Variants in MAN2C1 observed in about 807,000 individuals in gnomAD.
MAN2C1 encodes the protein alpha-mannosidase 2C1.
MAN2C1 carries 111 observed loss-of-function variants against 126.9 expected under a neutral mutation model. The observed-to-expected ratio is 0.87, with a 90% CI of 0.75 to 1.02. The LOEUF (loss-of-function observed/expected upper bound fraction) is 1.02, where lower values mean the gene tolerates loss of function less well. Among genes scored for constraint, MAN2C1 ranks in the 50% least tolerant of loss-of-function variants. The pLI is 0.00. For missense variants in MAN2C1, 1,363 were observed against 1,364.4 expected, an observed-to-expected ratio of 1.00 and a Z score of 0.02; for synonymous variants, 567 against 561.5, an observed-to-expected ratio of 1.01 and a Z score of -0.14.
rs774368101 is a variant in MAN2C1 at position 75,359,790 on chromosome 15, G to T, written c.1793-15C>A. The T allele has an allele frequency of 1.2e-6, 2 of 1,613,646 alleles. No individual in the cohort carries two copies. The highest frequency in any genetic ancestry group is 1.7e-6 in the Non-Finnish European group (2 of 1,179,922). ...GGAACGGATGTCTGAGGAAAGACTG[G>T]CTGGTCATAGGTGGGCAACAGGTCT... On this transcript the variant is annotated splice_polypyrimidine_tract_variant and intron_variant, in intron 15 of 25. Transcript: ENST00000267978.
At position 75,359,071 on chromosome 15, in the gene MAN2C1, A is replaced by T. The variant is rs1472249740; in HGVS notation, c.2129T>A (p.Val710Glu). 6.2e-7 allele frequency: 1 copy of T among 1,613,972 alleles called. No individual in the cohort carries two copies. The highest frequency in any genetic ancestry group is 8.5e-7 in the Non-Finnish European group (1 of 1,180,006). ...PTGRLTSLVL[V>E]ASGREAIAEG... ...GAGGATTTGGCACCTGCCAGAGGCC[A>T]CCAGGACCAAGGACGTCAGGCGACC... The change falls in exon 18 of 26, where the codon GTG becomes GAG. Residue 710 changes from valine (V) to glutamate (E), a missense_variant. This residue lies in a region of MAN2C1 where 668 missense variants were observed against 650.1 expected (regional missense o/e 1.03). Transcript: ENST00000267978.
rs754812226 is a variant in MAN2C1 at position 75,368,038 on chromosome 15, C to T, written c.227+35G>A. On this transcript the variant is annotated intron_variant, in intron 2 of 25. Transcript: ENST00000267978. ...GAGCTGGGTTGGGACTTCCCCTAGGCCTGTGGCCCCGCCCACCCGCTGGGC... is the reference window on the plus strand; with the variant it reads ...GAGCTGGGTTGGGACTTCCCCTAGGTCTGTGGCCCCGCCCACCCGCTGGGC... The T allele has an allele frequency of 1.5e-5, 24 of 1,583,448 alleles. No homozygotes were observed. The South Asian group carries it at 2.6e-4, about 17-fold the overall frequency.
intron 1 of MAN2C1, 33 bp downstream of exon 1, chr15:75,368,450 G>T (rs1349683214): frequency 1.3e-6 from 2 of 1,534,978 alleles, no homozygotes; most frequent in South Asian, 1.2e-5. Flanking sequence ...GCACGGTTGC[G>T]GTCGGCCGGC....
In MAN2C1 at chr15:75,359,120, T is replaced by C. The variant is rs778460717; in HGVS notation, c.2080A>G (p.Ile694Val). ...CCAGTTGGGTCCAGCTTCACTCGGA[T>C]GATGCCATTGTCCAGAGTCACGGAG... is the stretch of plus-strand genomic sequence containing the variant. ...DGSVTLDNGI[I>V]RVKLDPTGRL... is the part of the protein sequence containing the mutation. The change falls in exon 18 of 26, where the codon ATC becomes GTC. Residue 694 changes from isoleucine to valine, a missense_variant. Ile to Val is a conservative substitution (Grantham distance 29). Transcript: ENST00000267978. The C allele has an allele frequency of 1.2e-6, 2 of 1,613,924 alleles. No homozygotes were observed. Among genetic ancestry groups the C allele is most frequent in the African/African-American group, 1.3e-5 (1 of 74,952 alleles).
Position 75,355,804 on chromosome 15 carries a change from G to T in MAN2C1, c.*102C>A. On this transcript the variant is annotated 3_prime_UTR_variant, in exon 26 of 26. Coordinates refer to ENST00000267978, the MANE Select transcript of MAN2C1 (RefSeq NM_006715.4). ...CTGAGCAGCAGGGTTCCCGATCCAAGGATTTATTCCACAAGAAAAGACTGA... is the reference window on the plus strand; with the variant it reads ...CTGAGCAGCAGGGTTCCCGATCCAATGATTTATTCCACAAGAAAAGACTGA... 7.3e-7 allele frequency: 1 copy of T among 1,367,472 alleles called. No individual in the cohort carries two copies. Among genetic ancestry groups the T allele is most frequent in the Non-Finnish European group, 9.9e-7 (1 of 1,006,854 alleles). The allele number at this position is 1,367,472 out of a possible 1,614,324, so 84.7% of individuals were successfully genotyped here. A position where few individuals can be genotyped will look rare whatever the true frequency, so the allele number is the denominator to read the frequency against.
At position 75,361,039 on chromosome 15, in the gene MAN2C1, G is replaced by A. The variant is rs547720767; in HGVS notation, c.1460+7C>T. The A allele has an allele frequency of 6.2e-7, 1 of 1,606,304 alleles. No homozygotes were observed. The highest frequency in any genetic ancestry group is 1.1e-5 in the South Asian group (1 of 89,598). Reference sequence around the variant, plus strand: ...GGGGCTAAAGGAGAGCCAAGGCCTGGCCTGACCTGGGCAGCCCATCCGTAT... The same window carrying A: ...GGGGCTAAAGGAGAGCCAAGGCCTGACCTGACCTGGGCAGCCCATCCGTAT... On this transcript the variant is annotated splice_region_variant and intron_variant, in intron 12 of 25. Coordinates refer to ENST00000267978, the MANE Select transcript of MAN2C1 (RefSeq NM_006715.4). This position sits in a 1 kb window ranked among gnomAD's most constrained non-coding sequence, Gnocchi z 5.0.
rs2072445284 is a variant in MAN2C1, at chr15:75,360,546, C to T, written c.1584+19G>A. The T allele has an allele frequency of 6.2e-7, 1 of 1,612,674 alleles. No homozygotes were observed. Among genetic ancestry groups the T allele is most frequent in the African/African-American group, 1.3e-5 (1 of 75,040 alleles). On this transcript the variant is annotated intron_variant, in intron 13 of 25. Transcript: ENST00000267978. ...CAAGGGCACACCCTCCCTGCACAGC[C>T]CTGCAACCTCCCCCTGACCTGGGCA... is the stretch of plus-strand genomic sequence containing the variant.
rs1387370276 is a variant in MAN2C1, at chr15:75,358,760, A to G, written c.2190T>C (p.Asp730=). The G allele has an allele frequency of 6.2e-7, 1 of 1,614,090 alleles. No homozygotes were observed. The highest frequency in any genetic ancestry group is 8.5e-7 in the Non-Finnish European group (1 of 1,180,000). The part of the protein sequence containing the change: ...GAVGNQFVLF[D]DVPLYWDAWD... Reference sequence around the variant, plus strand: ...ATGCATCCCAGTACAAGGGGACATCATCAAATAGCACAAACTGGTTCCCCA... The same window carrying G: ...ATGCATCCCAGTACAAGGGGACATCGTCAAATAGCACAAACTGGTTCCCCA... The change falls in exon 19 of 26, where the codon GAT becomes GAC. Residue 730 remains aspartate (D), a synonymous_variant. Coordinates refer to ENST00000267978, the MANE Select transcript of MAN2C1 (RefSeq NM_006715.4).
chr15:75,361,343 A>T lies in MAN2C1; in HGVS notation c.1257T>A (p.Arg419=). 2.6e-6 allele frequency: 4 copies of T among 1,567,214 alleles called. No homozygotes were observed. The highest frequency in any genetic ancestry group is 3.5e-6 in the Non-Finnish European group (4 of 1,155,478). The change falls in exon 11 of 26, where the codon CGT becomes CGA. Residue 419 remains arginine, a synonymous_variant. Coordinates refer to ENST00000267978, the MANE Select transcript of MAN2C1 (RefSeq NM_006715.4). The surrounding 1 kb of genome is among the most constrained non-coding windows in gnomAD (Gnocchi z 5.0). ...CGCCAGGTGGGAAGTGGACCAGTAC[A>T]CGGGAGCCATCCAGGCCCTCCCAGA... The part of the protein sequence containing the change: ...TFFWEGLDGS[R]VLVHFPPGDS...
At position 75,362,064 on chromosome 15, in the gene MAN2C1, C is replaced by T; in HGVS notation, c.1009-117G>A. ...CAGGGCTGCTCAAACATGGGAGTTA[C>T]AGCCAGAACTCAGGAAGGGCCCCTG... On this transcript the variant is annotated intron_variant, in intron 8 of 25. Coordinates refer to ENST00000267978, the MANE Select transcript of MAN2C1 (RefSeq NM_006715.4). This position sits in a 1 kb window ranked among gnomAD's most constrained non-coding sequence, Gnocchi z 4.5. 1.2e-6 allele frequency: 1 copy of T among 814,046 alleles called. No individual in the cohort carries two copies. 50.4% of individuals were successfully genotyped at this position (814,046 alleles called of 1,614,324 possible). A position where few individuals can be genotyped will look rare whatever the true frequency, so the allele number is the denominator to read the frequency against.
rs909487065 is a variant in MAN2C1 at position 75,356,553 on chromosome 15, G to A, written c.2737+53C>T. 5.2e-6 allele frequency: 8 copies of A among 1,549,736 alleles called. No homozygotes were observed. The African/African-American group carries it at 9.5e-5, about 18-fold the overall frequency. On this transcript the variant is annotated intron_variant, in intron 23 of 25. Coordinates refer to ENST00000267978, the MANE Select transcript of MAN2C1 (RefSeq NM_006715.4). This position sits in a 1 kb window ranked among gnomAD's most constrained non-coding sequence, Gnocchi z 5.8. ...GTTGCTGGGGTTTGGGCTCAGGGAA[G>A]GGCAGAGAGGTGTCTAGGGCTGCAG...
chr15:75,366,720 C>T, intron 3 of MAN2C1, 128 bp from the exon 4 acceptor site: 1 of 610,124 alleles, frequency 1.6e-6, no homozygotes, highest in Admixed American at 3.4e-5. Flanking sequence ...CAAGCAGGGC[C>T]AAGATTGGCA....
At position 75,359,608 on chromosome 15, in the gene MAN2C1, C is replaced by T; in HGVS notation, c.1948+12G>A. On this transcript the variant is annotated intron_variant, in intron 16 of 25. Coordinates refer to ENST00000267978, the MANE Select transcript of MAN2C1 (RefSeq NM_006715.4). The stretch of plus-strand genomic sequence containing the variant: ...TCCTGCTGCAGTAGCAACCCTTCCC[C>T]TCAGCTCGTACCTAGGCTGTGGGCC... The T allele has an allele frequency of 6.2e-7, 1 of 1,613,208 alleles. No homozygotes were observed. Among genetic ancestry groups the T allele is most frequent in the Non-Finnish European group, 8.5e-7 (1 of 1,179,642 alleles).
Position 75,363,123 on chromosome 15 carries a change from C to T in MAN2C1, c.791-375G>A, listed in dbSNP as rs574359475. On this transcript the variant is annotated intron_variant, in intron 6 of 25. Coordinates refer to ENST00000267978, the MANE Select transcript of MAN2C1 (RefSeq NM_006715.4). ...AGAGGCATGGCTCCCAGGATGGAGC[C>T]AGCTGTCCTACCAGAGGTGCTACAG... 620 of 449,822 alleles carry T rather than the reference C, an allele frequency of 1.4e-3. 1 individual carries two copies. Among genetic ancestry groups the T allele is most frequent in the Non-Finnish European group, 2.4e-3 (529 of 224,570 alleles). 27.9% of individuals were successfully genotyped at this position (449,822 alleles called of 1,614,324 possible).
At chr15:75,359,483 A>AGG in intron 16 of MAN2C1, 58 bp from the exon 17 acceptor site, 3 of 1,574,020 alleles carry the variant, frequency 1.9e-6, no homozygotes, top group Non-Finnish European at 2.6e-6. Context: ...AAGCTTGCGC[A>AGG]GGTGGGGATG....
At position 75,362,014 on chromosome 15, in the gene MAN2C1, C is replaced by A. The variant is rs987667571; in HGVS notation, c.1009-67G>T. 8.4e-7 allele frequency: 1 copy of A among 1,191,324 alleles called. No homozygotes were observed. Among genetic ancestry groups the A allele is most frequent in the Non-Finnish European group, 1.3e-6 (1 of 799,778 alleles). 73.8% of individuals were successfully genotyped at this position (1,191,324 alleles called of 1,614,324 possible). ...GACGGGGAGCAGGCAGGCGCTCAGG[C>A]CAACCCAATCCCTGCAGGAGAAGCC... On this transcript the variant is annotated intron_variant, in intron 8 of 25. Coordinates refer to ENST00000267978, the MANE Select transcript of MAN2C1 (RefSeq NM_006715.4). This position sits in a 1 kb window ranked among gnomAD's most constrained non-coding sequence, Gnocchi z 4.5.
In MAN2C1 at chr15:75,356,073, G is replaced by C. The variant is rs990625950; in HGVS notation, c.2996+37C>G. On this transcript the variant is annotated intron_variant, in intron 25 of 25. Coordinates refer to ENST00000267978, the MANE Select transcript of MAN2C1 (RefSeq NM_006715.4). The surrounding 1 kb of genome is among the most constrained non-coding windows in gnomAD (Gnocchi z 5.8). ...GGCCATGAAGGCTCTGCGAGGGCGAGACTCGACCCCCGCCCCAATCCCACA... is the reference window on the plus strand; with the variant it reads ...GGCCATGAAGGCTCTGCGAGGGCGACACTCGACCCCCGCCCCAATCCCACA... 6.2e-6 allele frequency: 10 copies of C among 1,613,380 alleles called. No individual in the cohort carries two copies. In the Admixed American group the frequency reaches 1.7e-4, roughly 27 times the overall value.
chr15:75,359,292 GCA>G (rs1410348523), intron 17 of MAN2C1, 34 bp downstream of exon 17: 1 of 1,574,384 alleles, frequency 6.4e-7, no homozygotes, highest in Non-Finnish European at 8.6e-7. Flanking sequence ...AAGTATCCCA[GCA>G]CAGTTCCTGC....
At position 75,356,205 on chromosome 15, in the gene MAN2C1, G is replaced by C. The variant is rs1468022255; in HGVS notation, c.2901C>G (p.Pro967=). Residue 967 remains proline (P), a synonymous_variant, in exon 25 of 26, where the codon CCC becomes CCG. Transcript: ENST00000267978. The surrounding 1 kb of genome is among the most constrained non-coding windows in gnomAD (Gnocchi z 5.8). ...GCCTCAGGACCAGCGAGCGGCGCTG[G>C]GGGCTGCTCTCCGCCTGCAGAGGAA... ...LETVKQAESS[P]QRRSLVLRLY... is the part of the protein sequence containing the mutation. 6.2e-7 allele frequency: 1 copy of C among 1,613,208 alleles called. No individual in the cohort carries two copies. The highest frequency in any genetic ancestry group is 2.2e-5 in the East Asian group (1 of 44,882).
Sources: gnomAD v4.1 joint callset for allele counts on GRCh38, gnomAD v4.1.1 for gene constraint, gnomAD v4.1.1 regional missense constraint, Gnocchi (gnomAD v3.1) non-coding constraint, MANE v1.5 for transcripts, NCBI Gene and HGNC (gene_info 2026-07-23, HGNC 2026-07-21) for gene names.